E2F2: variants seen among roughly 807,000 people sequenced by gnomAD.
E2F2 encodes the protein transcription factor E2F2.
Under a neutral mutation model 42.2 loss-of-function variants are expected in E2F2, and 22 were observed. The ratio of observed to expected loss-of-function variants is 0.52; its 90% CI spans 0.37 to 0.74. The LOEUF (loss-of-function observed/expected upper bound fraction) is 0.74. E2F2 is among the 30% of genes least tolerant of loss of function. The pLI, the probability that E2F2 is intolerant of heterozygous loss-of-function variation, is 0.00. For synonymous variants in E2F2, 248 were observed against 251.6 expected (o/e 0.99, Z 0.13); for missense variants, 481 against 557.8 (o/e 0.86, Z 1.39).
intron 6 of E2F2, among the ~76,000 whole-genome samples, chr1:23,512,975 G>C (rs1234230788): frequency 2.0e-5 from 3 of 152,020 alleles, no homozygotes; most frequent in African/African-American, 7.2e-5. Context: ...ACCACCTCCG[G>C]CTAATTTTTG....
At position 23,509,879 on chromosome 1, in the gene E2F2, C is replaced by T. The variant is rs760769931; in HGVS notation, c.*1G>A. The stretch of plus-strand genomic sequence containing the variant: ...AGGCTGCTGGGGGCAGGCAGGGCCA[C>T]TCAATTAATCAACAGGTCCCCAAGG... On this transcript the variant is annotated 3_prime_UTR_variant, in exon 7 of 7. Coordinates refer to ENST00000361729, the MANE Select transcript of E2F2 (RefSeq NM_004091.4). The T allele has an allele frequency of 5.2e-6, 8 of 1,529,710 alleles. No homozygotes were observed. The Admixed American group carries it at 1.6e-4, about 30-fold the overall frequency. The allele number at this position is 1,529,710 out of a possible 1,614,324, so 94.8% of individuals were successfully genotyped here.
rs1370973859 is a variant in E2F2, at chr1:23,506,823, C to CT, written c.*3056dup. 2 of 152,374 alleles carry CT rather than the reference C, an allele frequency of 1.3e-5. No homozygotes were observed. Among genetic ancestry groups the CT allele is most frequent in the African/African-American group, 4.8e-5 (2 of 41,466 alleles). The allele number at this position is 152,374 out of a possible 1,614,324, so 9.4% of individuals were successfully genotyped here. A position where few individuals can be genotyped will look rare whatever the true frequency, so the allele number is the denominator to read the frequency against. ...GCACCCAAACCCTTTCCCTAAAACT[C>CT]TGAACACTGCAGAATGGAGGTTGAG... On this transcript the variant is annotated 3_prime_UTR_variant, in exon 7 of 7. Transcript: ENST00000361729.
At position 23,509,871 on chromosome 1, in the gene E2F2, C is replaced by T. The variant is rs768121093; in HGVS notation, c.*9G>A. 4.6e-6 allele frequency: 7 copies of T among 1,528,434 alleles called. No homozygotes were observed. Among genetic ancestry groups the T allele is most frequent in the South Asian group, 1.3e-5 (1 of 77,484 alleles). The allele number at this position is 1,528,434 out of a possible 1,614,324, so 94.7% of individuals were successfully genotyped here. ...TCGGGGGCAGGCTGCTGGGGGCAGG[C>T]AGGGCCACTCAATTAATCAACAGGT... On this transcript the variant is annotated 3_prime_UTR_variant, in exon 7 of 7. Coordinates refer to ENST00000361729, the MANE Select transcript of E2F2 (RefSeq NM_004091.4).
chr1:23,511,175 CA>C (rs1371551264), intron 6 of E2F2, among the ~76,000 whole-genome samples: 2 of 152,116 alleles, frequency 1.3e-5, no homozygotes, highest in Non-Finnish European at 2.9e-5. Flanking sequence ...TCTCTGGCTT[CA>C]TCTTATTTGA....
At chr1:23,513,823 A>G (rs1570456555) in intron 6 of E2F2, among the ~76,000 whole-genome samples, 2 of 152,056 alleles carry the variant, frequency 1.3e-5, no homozygotes, top group Admixed American at 1.3e-4. Context: ...TGTAAAACTC[A>G]GGTAAAAACT....
intron 2 of E2F2, among the ~76,000 whole-genome samples, chr1:23,524,051 G>A (rs971166813): frequency 6.7e-6 from 1 of 150,146 alleles, no homozygotes; most frequent in Admixed American, 6.7e-5. Flanking sequence ...TCCACATTTG[G>A]TGACAGAGCG....
Position 23,530,734 on chromosome 1 carries a change from G to A in E2F2, c.60C>T (p.Pro20=), listed in dbSNP as rs1643326137. ...GCCACAGCTCTGTGGGGCTCATCGC[G>A]GGCACCACCTTCGGGGTCTGCCCAG... is the stretch of plus-strand genomic sequence containing the variant. ...SAAGQTPKVV[P]AMSPTELWPS... The change falls in exon 1 of 7, where the codon CCC becomes CCT. Residue 20 remains proline, a synonymous_variant. Transcript: ENST00000361729. The surrounding 1 kb of genome is among the most constrained non-coding windows in gnomAD (Gnocchi z 4.4). 1.3e-6 allele frequency: 2 copies of A among 1,599,330 alleles called. No homozygotes were observed. Among genetic ancestry groups the A allele is most frequent in the South Asian group, 1.1e-5 (1 of 89,690 alleles).
At position 23,519,806 on chromosome 1, in the gene E2F2, G is replaced by A. The variant is rs997515979; in HGVS notation, c.738-676C>T. On this transcript the variant is annotated intron_variant, in intron 4 of 6. Coordinates refer to ENST00000361729, the MANE Select transcript of E2F2 (RefSeq NM_004091.4). ...TCAGCTGGGTGTGAAGGCCGGGTGC[G>A]GTATCTCACTCCTGTAACCCTAGCA... Among the ~76,000 whole-genome samples, 6 of 151,956 alleles carry A rather than the reference G, an allele frequency of 3.9e-5. No individual in the cohort carries two copies. In the East Asian group the frequency reaches 5.8e-4, roughly 15 times the overall value.
chr1:23,518,852 C>T (rs1295408516), intron 5 of E2F2, among the ~76,000 whole-genome samples, 164 bp downstream of exon 5: 1 of 152,184 alleles, frequency 6.6e-6, no homozygotes, highest in Non-Finnish European at 1.5e-5. Context: ...CCAGCTTCTG[C>T]CATTTCTGCC....
intron 1 of E2F2, among the ~76,000 whole-genome samples, chr1:23,525,752 C>G (rs144587265): frequency 3.0e-4 from 45 of 152,338 alleles, no homozygotes; most frequent in African/African-American, 9.4e-4. Flanking sequence ...TCAGGAAACA[C>G]AGAGTCCCTT....
intron 1 of E2F2, among the ~76,000 whole-genome samples, chr1:23,527,972 C>T (rs1176522120): frequency 1.3e-5 from 2 of 152,162 alleles, no homozygotes; most frequent in Admixed American, 6.5e-5. Flanking sequence ...GGTGAAACCC[C>T]ATCTCTACTA....
chr1:23,521,407 C>G (rs1203801026), intron 3 of E2F2, among the ~76,000 whole-genome samples: 2 of 152,070 alleles, frequency 1.3e-5, no homozygotes, highest in African/African-American at 4.8e-5. Context: ...CTCTTTAAAC[C>G]CTGTAGAAAT....
chr1:23,528,850 G>A (rs1043317474), intron 1 of E2F2, among the ~76,000 whole-genome samples: 1 of 152,144 alleles, frequency 6.6e-6, no homozygotes, highest in African/African-American at 2.4e-5. Flanking sequence ...TCCCTTCCCT[G>A]GGGGGAGCTC....
At chr1:23,512,985 G>T (rs1014964645) in intron 6 of E2F2, among the ~76,000 whole-genome samples, 2 of 152,006 alleles carry the variant, frequency 1.3e-5, no homozygotes, top group African/African-American at 4.8e-5. Context: ...GCTAATTTTT[G>T]TATTTGTAGT....
chr1:23,513,235 G>C (rs2148690593), intron 6 of E2F2, among the ~76,000 whole-genome samples: 1 of 151,978 alleles, frequency 6.6e-6, no homozygotes, highest in East Asian at 1.9e-4. Context: ...TGGGGCTTTG[G>C]GGGGTTAAAG....
At chr1:23,525,916 C>T (rs1052357369) in intron 1 of E2F2, among the ~76,000 whole-genome samples, 1 of 152,162 alleles carries the variant, frequency 6.6e-6, no homozygotes, top group Admixed American at 6.5e-5. Context: ...AGGTCATGCT[C>T]AGCAGGGCTG....
chr1:23,515,462 C>A (rs1279431852), intron 6 of E2F2, among the ~76,000 whole-genome samples: 1 of 152,098 alleles, frequency 6.6e-6, no homozygotes, highest in Non-Finnish European at 1.5e-5. Context: ...GACCAAGGTT[C>A]AAGACACAGC....
rs2282723 is a variant in E2F2 at position 23,522,479 on chromosome 1, A to C, written c.359-423T>G. Among the ~76,000 whole-genome samples the C allele has an allele frequency of 8.5e-5, 13 of 152,298 alleles. No homozygotes were observed. The East Asian group carries it at 2.5e-3, about 29-fold the overall frequency. ...AGAATACTGAGGCACAGTTTAAGTAATTTGCTCAGCTCACTCAGCTAGAAA... is the reference window on the plus strand; with the variant it reads ...AGAATACTGAGGCACAGTTTAAGTACTTTGCTCAGCTCACTCAGCTAGAAA... On this transcript the variant is annotated intron_variant, in intron 2 of 6. Coordinates refer to ENST00000361729, the MANE Select transcript of E2F2 (RefSeq NM_004091.4).
rs377177314 is a variant in E2F2, at chr1:23,523,589, C to T, written c.358+794G>A. On this transcript the variant is annotated intron_variant, in intron 2 of 6. Coordinates refer to ENST00000361729, the MANE Select transcript of E2F2 (RefSeq NM_004091.4). Reference sequence around the variant, plus strand: ...CAGAGACTGGATTAATCTGTGCTTCCCTTCCCTTTGAATCACTTATTCAGC... The same window carrying T: ...CAGAGACTGGATTAATCTGTGCTTCTCTTCCCTTTGAATCACTTATTCAGC... 3.3e-5 allele frequency among the ~76,000 whole-genome samples: 5 copies of T among 152,114 alleles called. No individual in the cohort carries two copies. The East Asian group carries it at 7.7e-4, about 23-fold the overall frequency.
Sources: allele counts gnomAD v4.1 joint callset (sites outside exome capture counted in the v4.1 genomes callset), GRCh38; gene constraint gnomAD v4.1.1; non-coding constraint Gnocchi (gnomAD v3.1); transcripts MANE v1.5; gene names NCBI Gene and HGNC (gene_info 2026-07-23, HGNC 2026-07-21).